Variants in TAFA5 observed in about 807,000 individuals in gnomAD.
The protein encoded by TAFA5 is TAFA chemokine like family member 5.
In TAFA5, 6 loss-of-function variants were observed where a neutral mutation model predicts 15.3. The observed-to-expected ratio is 0.39, with a 90% CI of 0.21 to 0.77. TAFA5 has a LOEUF of 0.77. Ranked by LOEUF, TAFA5 falls within the 30% of genes least tolerant of loss-of-function variation. TAFA5 has a pLI of 0.41. For synonymous variants in TAFA5, 103 were observed against 80.7 expected (o/e 1.28, Z -1.48); for missense variants, 161 against 193.1 (o/e 0.83, Z 0.98).
At chr22:48,633,883 T>C (rs564518171) in intron 1 of TAFA5, among the ~76,000 whole-genome samples, 56 of 152,382 alleles carry the variant, frequency 3.7e-4, no homozygotes, top group African/African-American at 1.3e-3. Flanking sequence ...TTCTCAGGGA[T>C]GTGTGTGCCA....
At chr22:48,513,108 G>T (rs560138846) in intron 1 of TAFA5, among the ~76,000 whole-genome samples, 7 of 152,244 alleles carry the variant, frequency 4.6e-5, no homozygotes, top group Admixed American at 2.6e-4. Flanking sequence ...GCACAGGCCT[G>T]TTTATGTGCA....
chr22:48,733,869 G>C (rs763026582), intron 3 of TAFA5, among the ~76,000 whole-genome samples: 3 of 152,176 alleles, frequency 2.0e-5, no homozygotes, highest in Non-Finnish European at 4.4e-5. Context: ...TGCATATACT[G>C]TCTGACTCTT....
At chr22:48,583,039 C>T (rs1349060916) in intron 1 of TAFA5, among the ~76,000 whole-genome samples, 1 of 139,448 alleles carries the variant, frequency 7.2e-6, no homozygotes, top group African/African-American at 2.7e-5. Flanking sequence ...CAAAATACAC[C>T]ACACACACCG....
At chr22:48,689,251 G>A (rs1051771417) in intron 2 of TAFA5, among the ~76,000 whole-genome samples, 5 of 152,174 alleles carry the variant, frequency 3.3e-5, no homozygotes, top group Non-Finnish European at 5.9e-5. Flanking sequence ...AGCGGGGAGT[G>A]TGGAGCAGAT....
At chr22:48,542,603 GT>G in intron 1 of TAFA5, among the ~76,000 whole-genome samples, 1 of 130,202 alleles carries the variant, frequency 7.7e-6, no homozygotes, top group African/African-American at 2.9e-5. Flanking sequence ...GTGTGTATGT[GT>G]GTGTGGTGTG....
chr22:48,583,887 C>T (rs1004381933), intron 1 of TAFA5, among the ~76,000 whole-genome samples: 9 of 147,844 alleles, frequency 6.1e-5, no homozygotes, highest in Non-Finnish European at 7.5e-5. Flanking sequence ...CATACACACA[C>T]GCCACACACC....
intron 2 of TAFA5, among the ~76,000 whole-genome samples, chr22:48,662,422 CTG>C (rs1927474249): frequency 1.3e-5 from 2 of 152,184 alleles, no homozygotes; most frequent in Admixed American, 6.5e-5. Context: ...CAAGAGGAGT[CTG>C]CAGAGGTCAG....
rs1601565793 is a variant in TAFA5, at chr22:48,541,663, G to A, written c.112+51959G>A. 2.0e-5 allele frequency among the ~76,000 whole-genome samples: 3 copies of A among 152,302 alleles called. No homozygotes were observed. In the South Asian group the frequency reaches 6.2e-4, roughly 32 times the overall value. On this transcript the variant is annotated intron_variant, in intron 1 of 3. Transcript: ENST00000402357. ...AGGGTGGGAGGCCCCATGCAGACCT[G>A]CAGTGAGGACTCAGTGCACCTGGCC...
intron 1 of TAFA5, among the ~76,000 whole-genome samples, chr22:48,597,469 G>A (rs1037142854): frequency 8.1e-5 from 12 of 148,186 alleles, no homozygotes; most frequent in Admixed American, 4.7e-4. Flanking sequence ...TCTTCACCAC[G>A]CCACCATGGC....
Position 48,550,815 on chromosome 22 carries a change from C to G in TAFA5, c.112+61111C>G, listed in dbSNP as rs1042228402. ...TGACCTTCTTGTTCTCGGGAAAGAG[C>G]GGTGCCTCCAGGATTCAGGCCTGAG... On this transcript the variant is annotated intron_variant, in intron 1 of 3. Transcript: ENST00000402357. This position sits in a 1 kb window ranked among gnomAD's most constrained non-coding sequence, Gnocchi z 4.1. 3.3e-5 allele frequency among the ~76,000 whole-genome samples: 5 copies of G among 152,206 alleles called. No homozygotes were observed. The highest frequency in any genetic ancestry group is 1.2e-4 in the African/African-American group (5 of 41,550).
At chr22:48,576,537 C>G (rs892877649) in intron 1 of TAFA5, 2 of 1,519,148 alleles carry the variant, frequency 1.3e-6, no homozygotes, top group Non-Finnish European at 1.8e-6. Flanking sequence ...GCTGCTTCCT[C>G]GTCCTAGTGA....
At chr22:48,495,542 T>C (rs1928295166) in intron 1 of TAFA5, among the ~76,000 whole-genome samples, 1 of 152,076 alleles carries the variant, frequency 6.6e-6, no homozygotes, top group South Asian at 2.1e-4. Flanking sequence ...CTGGTTTCCA[T>C]CTGGGGAGGC....
chr22:48,672,945 A>C (rs925346667), intron 2 of TAFA5, among the ~76,000 whole-genome samples: 3 of 152,320 alleles, frequency 2.0e-5, no homozygotes, highest in Non-Finnish European at 4.4e-5. Flanking sequence ...TTTGGTGCTC[A>C]GAGCCCTGGA....
Position 48,536,671 on chromosome 22 carries a change from C to T in TAFA5, c.112+46967C>T, listed in dbSNP as rs766872063. On this transcript the variant is annotated intron_variant, in intron 1 of 3. Transcript: ENST00000402357. ...TCAACAGCATGCCTGTCTTCATCTG[C>T]GGCCAAGGCTTCCGGCTCCCTGTGC... Among the ~76,000 whole-genome samples the T allele has an allele frequency of 2.6e-5, 4 of 152,264 alleles. No homozygotes were observed. The South Asian group carries it at 6.2e-4, about 24-fold the overall frequency.
At chr22:48,655,803 C>G (rs1047526744) in intron 2 of TAFA5, among the ~76,000 whole-genome samples, 2 of 148,590 alleles carry the variant, frequency 1.3e-5, no homozygotes, top group African/African-American at 5.0e-5. Context: ...ACGGTCCTGC[C>G]TGGCTTCCTG....
chr22:48,639,297 C>T (rs561781440), intron 1 of TAFA5, among the ~76,000 whole-genome samples: 4 of 152,352 alleles, frequency 2.6e-5, no homozygotes, highest in African/African-American at 7.2e-5. Flanking sequence ...CTGCGGGGCC[C>T]CTCAGCTGCA....
intron 2 of TAFA5, among the ~76,000 whole-genome samples, chr22:48,692,005 G>A (rs1327877021): frequency 6.6e-6 from 1 of 152,164 alleles, no homozygotes; most frequent in Non-Finnish European, 1.5e-5. Flanking sequence ...CCAGCTCCTA[G>A]GGCAGGAACA....
At chr22:48,558,195 A>G (rs1923104843) in intron 1 of TAFA5, among the ~76,000 whole-genome samples, 1 of 152,120 alleles carries the variant, frequency 6.6e-6, no homozygotes, top group Non-Finnish European at 1.5e-5. Context: ...TCTAGTCATT[A>G]TTGCGTCTTC....
chr22:48,738,939 C>G (rs1285700497), intron 3 of TAFA5, among the ~76,000 whole-genome samples: 1 of 152,264 alleles, frequency 6.6e-6, no homozygotes, highest in East Asian at 1.9e-4. Flanking sequence ...CCTTTCACCA[C>G]TGGATTATAA....
Sources: gnomAD v4.1 joint callset for allele counts (sites outside exome capture counted in the v4.1 genomes callset) on GRCh38, gnomAD v4.1.1 for gene constraint, Gnocchi (gnomAD v3.1) non-coding constraint, MANE v1.5 for transcripts, NCBI Gene and HGNC (gene_info 2026-07-23, HGNC 2026-07-21) for gene names.